The following LRRC63 variants were observed in gnomAD, a reference collection of about 807,000 sequenced individuals.
LRRC63 encodes the protein leucine rich repeat containing 63.
In LRRC63, 40 loss-of-function variants were observed where a neutral mutation model predicts 49.5. That is an observed-to-expected ratio of 0.81 (90% CI 0.63 to 1.05). The LOEUF (loss-of-function observed/expected upper bound fraction) is 1.05, where lower values mean the gene tolerates loss of function less well. LRRC63 is among the 50% of genes least tolerant of loss of function. The pLI, the probability that LRRC63 is intolerant of heterozygous loss-of-function variation, is 0.00. For missense variants in LRRC63, 636 were observed against 663.1 expected (o/e 0.96, Z 0.45); for synonymous variants, 191 against 221.1 (o/e 0.86, Z 1.21).
At chr13:46,267,549 A>G (rs992151466) in intron 9 of LRRC63, among the ~76,000 whole-genome samples, 9 of 152,216 alleles carry the variant, frequency 5.9e-5, no homozygotes, top group Non-Finnish European at 1.2e-4. Context: ...TATTAATTTA[A>G]CAAATATTTG....
At chr13:46,240,225 C>T (rs1489745043) in intron 5 of LRRC63, among the ~76,000 whole-genome samples, 3 of 150,350 alleles carry the variant, frequency 2.0e-5, no homozygotes, top group Non-Finnish European at 4.4e-5. Context: ...CTCCCAGGTT[C>T]ACGTCATTCT....
At chr13:46,251,452 C>T (rs896940221) in intron 7 of LRRC63, among the ~76,000 whole-genome samples, 11 of 151,636 alleles carry the variant, frequency 7.3e-5, no homozygotes, top group African/African-American at 1.9e-4. Context: ...TTGACTCATC[C>T]GGATTTTTCC....
intron 7 of LRRC63, among the ~76,000 whole-genome samples, chr13:46,252,184 T>G (rs889179153): frequency 6.6e-6 from 1 of 151,930 alleles, no homozygotes; most frequent in Admixed American, 6.6e-5. Context: ...CAATGAAAAC[T>G]CACCAGGAGG....
chr13:46,234,218 T>C (rs539382181), exon 5 of LRRC63: 1 of 1,549,486 alleles, frequency 6.5e-7, no homozygotes, highest in East Asian at 2.4e-5. Flanking sequence ...AAAAATAGAA[T>C]CAGAGATACA....
rs1555328641 is a variant in LRRC63, at chr13:46,255,645, A to AAAAAAAAAAAAAAATAT, written c.1226+5155_1226+5156insAAAAAAAAAAAAATATA. ...GGCAACAGAGTAAGACCCTGCCTCA[A>AAAAAAAAAAAAAAATAT]ATATATATATATATATATATAGTTA... is the stretch of plus-strand genomic sequence containing the variant. On this transcript the variant is annotated intron_variant, in intron 7 of 9. Coordinates refer to ENST00000595396, the Ensembl canonical transcript of LRRC63. 6.3e-4 allele frequency among the ~76,000 whole-genome samples: 82 copies of AAAAAAAAAAAAAAATAT among 129,436 alleles called. 1 individual carries two copies. The highest frequency in any genetic ancestry group is 2.3e-3 in the African/African-American group (79 of 34,342). The allele number at this position is 129,436 out of a possible 152,430, so 84.9% of individuals were successfully genotyped here.
At chr13:46,241,556 T>C (rs1473059865) in intron 5 of LRRC63, among the ~76,000 whole-genome samples, 3 of 151,934 alleles carry the variant, frequency 2.0e-5, no homozygotes, top group Admixed American at 6.6e-5. Flanking sequence ...TGGGAGAAAA[T>C]TTTTGCAAAC....
chr13:46,275,243 C>A (rs2047817903), intron 9 of LRRC63, among the ~76,000 whole-genome samples: 1 of 152,156 alleles, frequency 6.6e-6, no homozygotes, highest in Admixed American at 6.5e-5. Flanking sequence ...TAGGTCAACT[C>A]CATATCTTGG....
chr13:46,225,980 A>C (rs557493344), intron 2 of LRRC63, among the ~76,000 whole-genome samples: 6 of 143,876 alleles, frequency 4.2e-5, no homozygotes, highest in South Asian at 2.3e-4. Context: ...TATTCTTTTC[A>C]TTTTTCCTTT....
At chr13:46,222,442 G>A (rs1408986104) in intron 2 of LRRC63, among the ~76,000 whole-genome samples, 1 of 152,172 alleles carries the variant, frequency 6.6e-6, no homozygotes. Flanking sequence ...TGTTGTATAT[G>A]GTAAGAGATA....
intron 9 of LRRC63, chr13:46,270,673 A>C (rs548072639): frequency 1.1e-5 from 8 of 750,338 alleles, no homozygotes; most frequent in Non-Finnish European, 1.9e-5. Flanking sequence ...CCTGGCCTAA[A>C]CCATCAGTGC....
chr13:46,272,157 C>T (rs1175396450), intron 9 of LRRC63, among the ~76,000 whole-genome samples: 2 of 152,124 alleles, frequency 1.3e-5, no homozygotes, highest in Non-Finnish European at 2.9e-5. Context: ...TAATTCCTGT[C>T]CCAGGTGGGC....
chr13:46,238,324 A>C (rs1394282677), intron 5 of LRRC63, among the ~76,000 whole-genome samples: 1 of 152,174 alleles, frequency 6.6e-6, no homozygotes, highest in Non-Finnish European at 1.5e-5. Context: ...CCCCTAAAAC[A>C]ACAGCATTCT....
Position 46,214,852 on chromosome 13 carries a change from AAC to A in LRRC63, c.85+1739_85+1740del, listed in dbSNP as rs199634155. Among the ~76,000 whole-genome samples, 87 of 152,292 alleles carry A rather than the reference AAC, an allele frequency of 5.7e-4. No homozygotes were observed. The East Asian group carries it at 0.016, about 28-fold the overall frequency. ...TATTCAACTCCCACTTACAAGTGAG[AAC>A]ACACAGTGTTTGGTTTTCTTTTCCT... On this transcript the variant is annotated intron_variant, in intron 2 of 9. Transcript: ENST00000595396.
intron 9 of LRRC63, among the ~76,000 whole-genome samples, 166 bp downstream of exon 9, chr13:46,267,138 T>C (rs2047694826): frequency 6.6e-6 from 1 of 152,222 alleles, no homozygotes; most frequent in African/African-American, 2.4e-5. Flanking sequence ...TCTTCAGGTA[T>C]AATAATGTAG....
At chr13:46,222,102 G>T (rs879904263) in intron 2 of LRRC63, among the ~76,000 whole-genome samples, 9 of 152,144 alleles carry the variant, frequency 5.9e-5, no homozygotes, top group Admixed American at 5.9e-4. Context: ...TTTCTCTAAT[G>T]ATTAGTGATA....
At chr13:46,250,268 A>G in intron 6 of LRRC63, 87 bp from the exon 7 acceptor site, 1 of 1,138,338 alleles carries the variant, frequency 8.8e-7, no homozygotes, top group Non-Finnish European at 1.2e-6. Context: ...ATTCTACATT[A>G]GTTCAGAGAG....
chr13:46,229,735 T>C (rs2046689264), intron 4 of LRRC63, among the ~76,000 whole-genome samples: 1 of 152,176 alleles, frequency 6.6e-6, no homozygotes, highest in Admixed American at 6.5e-5. Flanking sequence ...GCCTGGAACA[T>C]AGTGAGACTC....
At chr13:46,213,145 A>G (rs2046143152) in intron 2 of LRRC63, 26 bp downstream of exon 2, 2 of 1,377,358 alleles carry the variant, frequency 1.5e-6, no homozygotes, top group Non-Finnish European at 2.0e-6. Context: ...AGATATGTGT[A>G]TTAACATTTA....
intron 2 of LRRC63, among the ~76,000 whole-genome samples, chr13:46,226,899 A>G (rs1213726444): frequency 1.3e-5 from 2 of 152,222 alleles, no homozygotes; most frequent in African/African-American, 2.4e-5. Context: ...GTCATTTCAC[A>G]TTCTGTTGCA....
Sources: gnomAD v4.1 joint callset for allele counts (sites outside exome capture counted in the v4.1 genomes callset) on GRCh38, gnomAD v4.1.1 for gene constraint, MANE v1.5 for transcripts, NCBI Gene and HGNC (gene_info 2026-07-23, HGNC 2026-07-21) for gene names.